The following LUZP2 variants were observed in gnomAD, a reference collection of about 807,000 sequenced individuals.
The protein encoded by LUZP2 is leucine zipper protein 2.
Under a neutral mutation model 51.6 loss-of-function variants are expected in LUZP2, and 52 were observed. The observed-to-expected ratio is 1.01, with a 90% CI of 0.81 to 1.27. LUZP2 has a LOEUF of 1.27. LUZP2 is among the 50% of genes most tolerant of loss of function. LUZP2 has a pLI of 0.00. For missense variants in LUZP2, 436 were observed against 395.4 expected, an observed-to-expected ratio of 1.10 and a Z score of -0.87; for synonymous variants, 154 against 137.3, an observed-to-expected ratio of 1.12 and a Z score of -0.85.
At chr11:24,786,089 T>A in intron 5 of LUZP2, 1 of 985,296 alleles carries the variant, frequency 1.0e-6, no homozygotes. Context: ...TGGCACCTGG[T>A]ATATGACTGT....
At chr11:24,880,660 G>GGGTTGAGATCTCTTAAGGCTGTA (rs2134292295) in intron 5 of LUZP2, among the ~76,000 whole-genome samples, 1 of 152,164 alleles carries the variant, frequency 6.6e-6, no homozygotes, top group African/African-American at 2.4e-5. Context: ...AACTTGCTGT[G>GGGTTGAGATCTCTTAAGGCTGTA]GGTTGAGATC....
intron 1 of LUZP2, among the ~76,000 whole-genome samples, chr11:24,653,523 A>G (rs1222431177): frequency 1.3e-5 from 2 of 152,156 alleles, no homozygotes; most frequent in Admixed American, 1.3e-4. Flanking sequence ...GTCCGAATTC[A>G]GTGAAGAGAT....
intron 1 of LUZP2, among the ~76,000 whole-genome samples, chr11:24,541,355 G>A (rs758979617): frequency 5.3e-5 from 8 of 151,624 alleles, no homozygotes; most frequent in Non-Finnish European, 8.8e-5. Context: ...GCTGCTTGAA[G>A]GAGAAATATT....
intron 1 of LUZP2, among the ~76,000 whole-genome samples, chr11:24,498,840 A>G (rs1849906613): frequency 1.4e-5 from 2 of 139,536 alleles, no homozygotes; most frequent in Non-Finnish European, 3.3e-5. Flanking sequence ...ACATGCATAA[A>G]TAATAGGAAA....
At chr11:24,707,007 AAAAAG>A (rs1315864612) in intron 1 of LUZP2, among the ~76,000 whole-genome samples, 90 of 123,960 alleles carry the variant, frequency 7.3e-4, no homozygotes, top group East Asian at 3.5e-3. Flanking sequence ...AATAAAAAAA[AAAAAG>A]AAAAGAAAGG....
intron 1 of LUZP2, among the ~76,000 whole-genome samples, chr11:24,532,407 A>T (rs1851034445): frequency 6.6e-6 from 1 of 151,074 alleles, no homozygotes; most frequent in Admixed American, 6.6e-5. Flanking sequence ...AAGTTGTAAG[A>T]GTTCCACCAC....
chr11:25,032,053 G>A (rs1857705949), intron 9 of LUZP2, among the ~76,000 whole-genome samples: 1 of 152,106 alleles, frequency 6.6e-6, no homozygotes, highest in Non-Finnish European at 1.5e-5. Context: ...ACAGCATAGA[G>A]GGTTACAATG....
chr11:24,739,912 G>A (rs570291467), intron 4 of LUZP2, among the ~76,000 whole-genome samples: 1 of 152,160 alleles, frequency 6.6e-6, no homozygotes, highest in Admixed American at 6.6e-5. Context: ...CTGAAATGTG[G>A]CCTAAAGTCT....
intron 7 of LUZP2, among the ~76,000 whole-genome samples, chr11:24,933,967 T>C (rs1054770221): frequency 1.3e-5 from 2 of 151,908 alleles, no homozygotes; most frequent in African/African-American, 2.4e-5. Flanking sequence ...GGGCAAGGGT[T>C]GGGGGGAGGA....
At chr11:25,053,125 C>A (rs1401694304) in intron 10 of LUZP2, among the ~76,000 whole-genome samples, 1 of 151,954 alleles carries the variant, frequency 6.6e-6, no homozygotes, top group Non-Finnish European at 1.5e-5. Context: ...TGGGAACAAA[C>A]AATGAAAAGT....
chr11:24,608,006 G>A (rs561451212), intron 1 of LUZP2, among the ~76,000 whole-genome samples: 2 of 151,208 alleles, frequency 1.3e-5, no homozygotes, highest in South Asian at 2.2e-4. Flanking sequence ...CCGCCACCAC[G>A]CCCAGCTAAT....
chr11:24,543,394 T>A (rs1206548514), intron 1 of LUZP2, among the ~76,000 whole-genome samples: 1 of 152,050 alleles, frequency 6.6e-6, no homozygotes, highest in Non-Finnish European at 1.5e-5. Context: ...TATGATTGTG[T>A]CTATGTGACC....
At chr11:24,882,813 AGGG>A (rs1852516941) in intron 5 of LUZP2, among the ~76,000 whole-genome samples, 1 of 122,134 alleles carries the variant, frequency 8.2e-6, no homozygotes, top group South Asian at 3.4e-4. Flanking sequence ...GAAGGGAAGA[AGGG>A]AGGGAGGGAG....
intron 1 of LUZP2, among the ~76,000 whole-genome samples, chr11:24,699,474 G>C (rs1373040022): frequency 1.3e-5 from 2 of 151,976 alleles, no homozygotes; most frequent in Non-Finnish European, 2.9e-5. Flanking sequence ...ACTAAAGGTA[G>C]AAAAATGAAT....
intron 1 of LUZP2, among the ~76,000 whole-genome samples, chr11:24,726,420 A>G (rs919023827): frequency 1.3e-5 from 2 of 151,876 alleles, no homozygotes; most frequent in Non-Finnish European, 2.9e-5. Flanking sequence ...AAAATATCTC[A>G]TGTGCCCCAT....
At chr11:24,574,813 A>T (rs1355144684) in intron 1 of LUZP2, among the ~76,000 whole-genome samples, 1 of 152,108 alleles carries the variant, frequency 6.6e-6, no homozygotes, top group Non-Finnish European at 1.5e-5. Context: ...ATTATTTGGT[A>T]AAGACTTTGC....
At chr11:24,631,648 G>A (rs1224010221) in intron 1 of LUZP2, among the ~76,000 whole-genome samples, 2 of 151,780 alleles carry the variant, frequency 1.3e-5, no homozygotes, top group Admixed American at 6.6e-5. Context: ...CAGGGATATC[G>A]GTCTGTAGTT....
intron 1 of LUZP2, among the ~76,000 whole-genome samples, chr11:24,594,417 A>G (rs1853362097): frequency 6.6e-6 from 1 of 152,088 alleles, no homozygotes; most frequent in Non-Finnish European, 1.5e-5. Flanking sequence ...GGGAGCCACC[A>G]TTTTTGTTTC....
At chr11:24,648,749 T>C (rs1245087407) in intron 1 of LUZP2, among the ~76,000 whole-genome samples, 2 of 151,948 alleles carry the variant, frequency 1.3e-5, no homozygotes, top group African/African-American at 2.4e-5. Flanking sequence ...TATGCATACA[T>C]TTAAATGACT....
Sources: gnomAD v4.1 joint callset for allele counts (sites outside exome capture counted in the v4.1 genomes callset) on GRCh38, gnomAD v4.1.1 for gene constraint, MANE v1.5 for transcripts, NCBI Gene and HGNC (gene_info 2026-07-23, HGNC 2026-07-21) for gene names.